The following ZNF395 variants were observed in gnomAD, a reference collection of about 807,000 sequenced individuals.
ZNF395 encodes the protein zinc finger protein 395.
Under a neutral mutation model 57.7 loss-of-function variants are expected in ZNF395, and 20 were observed. The observed-to-expected ratio is 0.35, with a 90% CI of 0.24 to 0.50. ZNF395 has a LOEUF of 0.50. ZNF395 is among the 20% of genes least tolerant of loss of function. The pLI is 0.97. For synonymous variants in ZNF395, 295 were observed against 275.9 expected (o/e 1.07, Z -0.69); for missense variants, 606 against 671.2 (o/e 0.90, Z 1.07).
At chr8:28,357,385 C>T (rs1039128100) in intron 3 of ZNF395, among the ~76,000 whole-genome samples, 4 of 152,176 alleles carry the variant, frequency 2.6e-5, no homozygotes, top group Non-Finnish European at 4.4e-5. Context: ...ATAAATCTCC[C>T]AATGCAAGTG....
At chr8:28,362,632 TC>T (rs1801864490) in intron 1 of ZNF395, among the ~76,000 whole-genome samples, 1 of 152,042 alleles carries the variant, frequency 6.6e-6, no homozygotes, top group Admixed American at 6.5e-5. Flanking sequence ...GCATAAGCCT[TC>T]TTTCCTTTTC....
intron 1 of ZNF395, among the ~76,000 whole-genome samples, chr8:28,377,707 A>C (rs539981547): frequency 7.2e-6 from 1 of 139,470 alleles, no homozygotes; most frequent in African/African-American, 2.7e-5. Flanking sequence ...CCCCCTCTTG[A>C]TTTAGTCATC....
chr8:28,351,078 TCTTA>T (rs5890410), intron 7 of ZNF395, among the ~76,000 whole-genome samples: 19,126 of 152,168 alleles, frequency 0.13, 3,205 homozygotes, highest in African/African-American at 0.38. Context: ...AACCTGAAAG[TCTTA>T]CTTAGTCCAA....
At chr8:28,382,440 ACAAT>A (rs1802120711) in intron 1 of ZNF395, among the ~76,000 whole-genome samples, 2 of 152,168 alleles carry the variant, frequency 1.3e-5, no homozygotes, top group South Asian at 4.2e-4. Context: ...TCTCTCTCAC[ACAAT>A]CATAGACTTT....
At chr8:28,371,496 T>G (rs1801975784) in intron 1 of ZNF395, among the ~76,000 whole-genome samples, 2 of 152,198 alleles carry the variant, frequency 1.3e-5, no homozygotes, top group Non-Finnish European at 2.9e-5. Flanking sequence ...ATGCTCTTTC[T>G]ACTATGTTGT....
intron 1 of ZNF395, among the ~76,000 whole-genome samples, chr8:28,373,355 G>C (rs1585862789): frequency 1.3e-5 from 2 of 152,202 alleles, no homozygotes; most frequent in South Asian, 4.1e-4. Context: ...AAGTTCTATA[G>C]AGAGATAGAG....
chr8:28,363,880 G>A (rs1215171067), intron 1 of ZNF395, among the ~76,000 whole-genome samples: 3 of 152,052 alleles, frequency 2.0e-5, no homozygotes, highest in Non-Finnish European at 2.9e-5. Context: ...CAGGCCTGCC[G>A]GATTCGCATG....
intron 1 of ZNF395, among the ~76,000 whole-genome samples, chr8:28,376,955 T>C (rs917475860): frequency 1.3e-5 from 2 of 152,208 alleles, no homozygotes; most frequent in African/African-American, 4.8e-5. Flanking sequence ...TGCAAGCATA[T>C]ATCATGTGGA....
chr8:28,371,382 T>C (rs1801974566), intron 1 of ZNF395, among the ~76,000 whole-genome samples: 1 of 152,142 alleles, frequency 6.6e-6, no homozygotes, highest in Admixed American at 6.5e-5. Context: ...GATTTCACCA[T>C]GTTGCCAAGG....
In ZNF395 at chr8:28,348,259, CTTT is replaced by C. The variant is rs58805614; in HGVS notation, c.*457_*459del. The stretch of plus-strand genomic sequence containing the variant: ...CTGAGTCACCCATCAGCCAGAAACT[CTTT>C]TTTTTTTTTTTTTTTTTTTTTTTTA... On this transcript the variant is annotated 3_prime_UTR_variant, in exon 10 of 10. Coordinates refer to ENST00000344423, the MANE Select transcript of ZNF395 (RefSeq NM_018660.3). The C allele has an allele frequency of 0.012, 1,075 of 90,430 alleles. 24 individuals carry two copies. The highest frequency in any genetic ancestry group is 0.043 in the African/African-American group (1,018 of 23,598). The allele number at this position is 90,430 out of a possible 1,614,324, so 5.6% of individuals were successfully genotyped here.
intron 8 of ZNF395, among the ~76,000 whole-genome samples, chr8:28,349,609 G>C (rs182313489): frequency 6.6e-5 from 10 of 152,372 alleles, no homozygotes; most frequent in Non-Finnish European, 1.2e-4. Flanking sequence ...CTGCTAGGTA[G>C]AGTTCAAAAT....
chr8:28,384,691 G>T (rs1338553976), intron 1 of ZNF395, among the ~76,000 whole-genome samples: 1 of 152,082 alleles, frequency 6.6e-6, no homozygotes, highest in Admixed American at 6.6e-5. Context: ...GGCCCTACGG[G>T]TGAGTTACTC....
intron 1 of ZNF395, among the ~76,000 whole-genome samples, chr8:28,382,514 G>A (rs1423063911): frequency 2.6e-5 from 4 of 152,028 alleles, no homozygotes; most frequent in Non-Finnish European, 4.4e-5. Context: ...GCAGCACCCT[G>A]AGACACCAAA....
intron 1 of ZNF395, among the ~76,000 whole-genome samples, chr8:28,378,863 C>T (rs1457599054): frequency 1.3e-5 from 2 of 152,216 alleles, no homozygotes; most frequent in Non-Finnish European, 2.9e-5. Flanking sequence ...CCTGGGCAGA[C>T]ATTTCTTCTG....
At chr8:28,385,222 C>T in intron 1 of ZNF395, 1 of 152,460 alleles carries the variant, frequency 6.6e-6, no homozygotes. Context: ...CCACAGGGAG[C>T]TGGCCAGGGC....
intron 4 of ZNF395, among the ~76,000 whole-genome samples, chr8:28,355,476 A>ATTTTT (rs1280069716): frequency 6.6e-6 from 1 of 151,646 alleles, no homozygotes; most frequent in Non-Finnish European, 1.5e-5. Flanking sequence ...GGGACTTAAA[A>ATTTTT]TTGTCAGGAT....
chr8:28,356,660 G>A lies in ZNF395; in HGVS notation c.583+10C>T, dbSNP rs568474253. 8.1e-6 allele frequency: 13 copies of A among 1,610,756 alleles called. No homozygotes were observed. Among genetic ancestry groups the A allele is most frequent in the East Asian group, 4.5e-5 (2 of 44,818 alleles). On this transcript the variant is annotated intron_variant, in intron 4 of 9. Coordinates refer to ENST00000344423, the MANE Select transcript of ZNF395 (RefSeq NM_018660.3). The surrounding 1 kb of genome is among the most constrained non-coding windows in gnomAD (Gnocchi z 4.0). ...CATGCCCAGAACCCAGCTGGGCCCCGCTTGCTCACCAGAGAAGTTGGCCTC... is the reference window on the plus strand; with the variant it reads ...CATGCCCAGAACCCAGCTGGGCCCCACTTGCTCACCAGAGAAGTTGGCCTC...
At chr8:28,350,941 A>G (rs1396945501) in intron 7 of ZNF395, among the ~76,000 whole-genome samples, 2 of 152,220 alleles carry the variant, frequency 1.3e-5, no homozygotes, top group African/African-American at 4.8e-5. Context: ...TCTGGTACCT[A>G]CAACACCTTC....
Position 28,360,898 on chromosome 8 carries a change from T to G in ZNF395, c.227A>C (p.Gln76Pro). Residue 76 changes from glutamine to proline, a missense_variant, in exon 2 of 10, where the codon CAG (glutamine) becomes CCG (proline). Physicochemically the swap from Gln to Pro is moderately conservative, Grantham distance 76. Around this residue, in one of 3 missense-constraint regions of ZNF395, gnomAD observed 309 missense variants for 374.7 expected, o/e 0.82. Transcript: ENST00000344423. ...GGATCAACCTACCTTCTGCCCAGGCTGAAAGGCCACCTGCTGAAGGCCCGA... is the reference window on the plus strand; with the variant it reads ...GGATCAACCTACCTTCTGCCCAGGCGGAAAGGCCACCTGCTGAAGGCCCGA... ...STSGLQQVAF[Q>P]PGQKVYVWYG... The G allele has an allele frequency of 6.2e-7, 1 of 1,613,850 alleles. No homozygotes were observed.
Sources: gnomAD v4.1 joint callset for allele counts (sites outside exome capture counted in the v4.1 genomes callset) on GRCh38, gnomAD v4.1.1 for gene constraint, gnomAD v4.1.1 regional missense constraint, Gnocchi (gnomAD v3.1) non-coding constraint, MANE v1.5 for transcripts, NCBI Gene and HGNC (gene_info 2026-07-23, HGNC 2026-07-21) for gene names.